The following ATG10 variants were observed in gnomAD, a reference collection of about 807,000 sequenced individuals.
The protein encoded by ATG10 is ubiquitin-like-conjugating enzyme ATG10.
A neutral mutation model predicts 32.1 loss-of-function variants in ATG10; 30 were observed. The observed-to-expected ratio is 0.94, with a 90% CI of 0.70 to 1.27. The LOEUF (loss-of-function observed/expected upper bound fraction) is 1.27, where lower values mean the gene tolerates loss of function less well. ATG10 is among the 50% of genes most tolerant of loss of function. The pLI is 0.00. For synonymous variants in ATG10, 87 were observed against 91.5 expected (o/e 0.95, Z 0.28); for missense variants, 233 against 262.3 (o/e 0.89, Z 0.77).
chr5:82,061,723 TA>T (rs1021746713), intron 3 of ATG10, among the ~76,000 whole-genome samples: 3 of 146,148 alleles, frequency 2.1e-5, no homozygotes, highest in East Asian at 2.0e-4. Context: ...TAGTATATTA[TA>T]AAAAAGTATG....
intron 5 of ATG10, 73 bp from the exon 6 acceptor site, chr5:82,252,489 G>C: frequency 1.1e-6 from 1 of 884,032 alleles, no homozygotes; most frequent in Non-Finnish European, 1.8e-6. Context: ...TTTTAAAGGA[G>C]TAAACCAGAT....
chr5:81,993,297 CTTTCCTTT>C (rs1761516168), intron 2 of ATG10, among the ~76,000 whole-genome samples: 8 of 117,780 alleles, frequency 6.8e-5, no homozygotes, highest in African/African-American at 2.5e-4. Context: ...TTCCTTCTTT[CTTTCCTTT>C]CTTTCCTTTC....
intron 2 of ATG10, among the ~76,000 whole-genome samples, chr5:82,009,351 CT>C (rs1762066272): frequency 6.6e-6 from 1 of 152,028 alleles, no homozygotes. Flanking sequence ...TTAATTTCAT[CT>C]TTAACTCAGA....
At chr5:82,195,460 G>A (rs72776898) in intron 5 of ATG10, among the ~76,000 whole-genome samples, 17,165 of 152,174 alleles carry the variant, frequency 0.11, 1,121 homozygotes, top group African/African-American at 0.19. Context: ...GTCATTGAGG[G>A]TCAGCCCAGA....
intron 3 of ATG10, among the ~76,000 whole-genome samples, chr5:82,136,056 T>G (rs932294204): frequency 6.6e-6 from 1 of 152,196 alleles, no homozygotes; most frequent in Non-Finnish European, 1.5e-5. Context: ...ATTTTTTGTT[T>G]TTTTGCTTTC....
intron 5 of ATG10, among the ~76,000 whole-genome samples, chr5:82,230,964 T>C (rs1746347251): frequency 2.6e-5 from 4 of 152,130 alleles, no homozygotes; most frequent in Admixed American, 2.0e-4. Flanking sequence ...AACTGATAGA[T>C]AGATAGATAG....
At chr5:82,189,206 A>G (rs1744566814) in intron 5 of ATG10, among the ~76,000 whole-genome samples, 2 of 152,240 alleles carry the variant, frequency 1.3e-5, no homozygotes, top group Admixed American at 6.5e-5. Flanking sequence ...AAGCAAGTGA[A>G]TAATAACTAA....
chr5:82,049,196 C>T (rs1239503069), intron 2 of ATG10, among the ~76,000 whole-genome samples: 4 of 151,648 alleles, frequency 2.6e-5, no homozygotes, highest in Non-Finnish European at 5.9e-5. Flanking sequence ...GGCACATATA[C>T]ACCATGGAAT....
chr5:82,102,023 T>C (rs1319654997), intron 3 of ATG10, among the ~76,000 whole-genome samples: 1 of 152,196 alleles, frequency 6.6e-6, no homozygotes. Flanking sequence ...GGACACATAC[T>C]GACTTCACAC....
intron 3 of ATG10, among the ~76,000 whole-genome samples, chr5:82,137,964 CTT>C (rs1300157711): frequency 6.6e-6 from 1 of 152,198 alleles, no homozygotes; most frequent in African/African-American, 2.4e-5. Flanking sequence ...GCTAGAGTGT[CTT>C]TGCTGAGCTG....
intron 5 of ATG10, among the ~76,000 whole-genome samples, chr5:82,243,673 C>T (rs1467079871): frequency 6.6e-6 from 1 of 152,026 alleles, no homozygotes; most frequent in Non-Finnish European, 1.5e-5. Context: ...AACTGACAAA[C>T]TGCAATTGAC....
intron 3 of ATG10, among the ~76,000 whole-genome samples, chr5:82,060,281 A>G (rs1763724214): frequency 1.3e-5 from 2 of 152,350 alleles, no homozygotes; most frequent in South Asian, 4.1e-4. Context: ...AAAGTCTACC[A>G]TTAACATTTT....
intron 2 of ATG10, among the ~76,000 whole-genome samples, chr5:82,038,177 G>A (rs1330053305): frequency 6.6e-6 from 1 of 152,210 alleles, no homozygotes; most frequent in South Asian, 2.1e-4. Context: ...GACAGGGAGA[G>A]TAAAGCAGAG....
chr5:82,248,440 GTGTC>G (rs1747119256), intron 5 of ATG10, among the ~76,000 whole-genome samples: 1 of 152,208 alleles, frequency 6.6e-6, no homozygotes, highest in Non-Finnish European at 1.5e-5. Context: ...TGTTGATGGA[GTGTC>G]TGGGGACATT....
intron 5 of ATG10, among the ~76,000 whole-genome samples, chr5:82,210,120 A>G (rs1412093856): frequency 3.9e-5 from 6 of 152,246 alleles, no homozygotes; most frequent in Non-Finnish European, 2.9e-5. Flanking sequence ...TATCTGGATT[A>G]TGTGCATTGT....
At chr5:82,154,568 A>G (rs1236435528) in intron 3 of ATG10, among the ~76,000 whole-genome samples, 1 of 152,208 alleles carries the variant, frequency 6.6e-6, no homozygotes, top group Non-Finnish European at 1.5e-5. Context: ...TTGAACCCAC[A>G]TCTAGCTCCA....
chr5:82,205,583 T>A (rs1745257723), intron 5 of ATG10, among the ~76,000 whole-genome samples: 1 of 152,196 alleles, frequency 6.6e-6, no homozygotes, highest in Non-Finnish European at 1.5e-5. Flanking sequence ...ATTTTTAGTT[T>A]GGCAAGAAAG....
intron 2 of ATG10, among the ~76,000 whole-genome samples, chr5:82,037,392 C>T (rs1269261376): frequency 5.5e-5 from 8 of 145,796 alleles, no homozygotes; most frequent in Non-Finnish European, 1.2e-4. Flanking sequence ...GGACTACAGG[C>T]GCCCGCCACT....
intron 5 of ATG10, among the ~76,000 whole-genome samples, chr5:82,217,087 A>G (rs1270561268): frequency 4.0e-5 from 6 of 151,842 alleles, no homozygotes; most frequent in Admixed American, 2.0e-4. Flanking sequence ...AGCAACAACT[A>G]TCTTCTCTTT....
Sources: allele counts gnomAD v4.1 joint callset (sites outside exome capture counted in the v4.1 genomes callset), GRCh38; gene constraint gnomAD v4.1.1; transcripts MANE v1.5; gene names NCBI Gene and HGNC (gene_info 2026-07-23, HGNC 2026-07-21).